Variants in NDRG4 observed in about 807,000 individuals in gnomAD.
NDRG4 encodes the protein NDRG family member 4.
A neutral mutation model predicts 55.8 loss-of-function variants in NDRG4; 38 were observed. The ratio of observed to expected loss-of-function variants is 0.68; its 90% CI spans 0.53 to 0.89. The LOEUF is 0.89. NDRG4 is among the 40% of genes least tolerant of loss of function. The pLI is 0.00. For missense variants in NDRG4, 455 were observed against 468.6 expected (o/e 0.97, Z 0.27); for synonymous variants, 190 against 182.7 (o/e 1.04, Z -0.32).
At chr16:58,494,708 T>C (rs1336253454) in intron 2 of NDRG4, among the ~76,000 whole-genome samples, 1 of 151,966 alleles carries the variant, frequency 6.6e-6, no homozygotes, top group Non-Finnish European at 1.5e-5. Context: ...GTTTCATGCC[T>C]GTAATCCCAG....
At chr16:58,486,313 C>T (rs1398689696) in intron 1 of NDRG4, among the ~76,000 whole-genome samples, 1 of 152,082 alleles carries the variant, frequency 6.6e-6, no homozygotes, top group Non-Finnish European at 1.5e-5. Flanking sequence ...AGGCTCTCAC[C>T]ACCACACCCA....
rs773352480 is a variant in NDRG4, at chr16:58,467,309, C to T, written c.-24+3512C>T. ...GATCACTGAGGTCAGGAGTTCAAGA[C>T]CAGCCTGGCCAACGTGGTGAAACCC... On this transcript the variant is annotated intron_variant, in intron 1 of 15. Coordinates refer to the NDRG4 transcript ENST00000258187. Among the ~76,000 whole-genome samples, 4 of 152,332 alleles carry T rather than the reference C, an allele frequency of 2.6e-5. No homozygotes were observed. The South Asian group carries it at 8.3e-4, about 32-fold the overall frequency.
At chr16:58,507,158 C>T in intron 8 of NDRG4, 143 bp downstream of exon 8, 1 of 670,314 alleles carries the variant, frequency 1.5e-6, no homozygotes, top group Non-Finnish European at 2.7e-6. Flanking sequence ...GAGGTCATTT[C>T]CTGCACAAGG....
intron 1 of NDRG4, among the ~76,000 whole-genome samples, chr16:58,471,741 T>C (rs1408348688): frequency 6.6e-6 from 1 of 152,160 alleles, no homozygotes; most frequent in Non-Finnish European, 1.5e-5. Context: ...CTGCTTCAGT[T>C]CACCTGTTGG....
At chr16:58,478,387 TAA>T (rs771500758) in intron 1 of NDRG4, among the ~76,000 whole-genome samples, 3 of 67,130 alleles carry the variant, frequency 4.5e-5, no homozygotes, top group African/African-American at 6.5e-5. Flanking sequence ...AGACTCCATC[TAA>T]AAAAAAAAAA....
intron 1 of NDRG4, among the ~76,000 whole-genome samples, chr16:58,478,701 T>TTTG (rs545188379): frequency 0.015 from 2,143 of 141,000 alleles, 48 homozygotes; most frequent in African/African-American, 0.052. Flanking sequence ...TTTTTTGTTT[T>TTTG]TTTTTTTTGT....
In NDRG4 at chr16:58,512,917, A is replaced by C. The variant is rs963379673; in HGVS notation, c.*1341A>C. The C allele has an allele frequency of 2.6e-5, 4 of 152,534 alleles. No individual in the cohort carries two copies. The highest frequency in any genetic ancestry group is 4.8e-5 in the African/African-American group (2 of 41,398). The allele number at this position is 152,534 out of a possible 1,614,324, so 9.4% of individuals were successfully genotyped here. On this transcript the variant is annotated 3_prime_UTR_variant, in exon 15 of 15. Transcript: ENST00000570248. ...GGGAAGGGTTGTGGCGGGTGTTCTG[A>C]GGCTGAGAGGACACCTATATGCGTA... is the stretch of plus-strand genomic sequence containing the variant.
chr16:58,503,376 A>T (rs2037415102), intron 1 of NDRG4, among the ~76,000 whole-genome samples: 1 of 152,202 alleles, frequency 6.6e-6, no homozygotes, highest in Non-Finnish European at 1.5e-5. Context: ...GATTCCAGGC[A>T]GGACCACTGA....
At chr16:58,495,697 C>T (rs1020838535), upstream of NDRG4, 2 of 152,694 alleles carry the variant, frequency 1.3e-5, no homozygotes, top group Non-Finnish European at 2.9e-5. Flanking sequence ...TGGCTCGTCC[C>T]CCAGTGGGAG....
Position 58,464,416 on chromosome 16 carries a change from G to A in NDRG4, c.-24+619G>A, listed in dbSNP as rs1395942182. The A allele has an allele frequency of 3.5e-5, 48 of 1,366,286 alleles. No homozygotes were observed. Among genetic ancestry groups the A allele is most frequent in the Non-Finnish European group, 4.2e-5 (45 of 1,062,594 alleles). The allele number at this position is 1,366,286 out of a possible 1,614,324, so 84.6% of individuals were successfully genotyped here. On this transcript the variant is annotated intron_variant, in intron 1 of 15. Coordinates refer to the NDRG4 transcript ENST00000258187. This position sits in a 1 kb window ranked among gnomAD's most constrained non-coding sequence, Gnocchi z 4.8. The stretch of plus-strand genomic sequence containing the variant: ...CGACGCCGCCACCCAGAGCCGGGCC[G>A]CGCCGGGCGCCGAGATGAAGGTGCT...
chr16:58,463,813 C>T (rs2030980193), intron 1 of NDRG4: 1 of 151,930 alleles, frequency 6.6e-6, no homozygotes, highest in East Asian at 2.0e-4. Flanking sequence ...TCGGCGGCGC[C>T]CTCGCCCCTG....
upstream of NDRG4, chr16:58,495,448 C>T (rs1227402031): frequency 6.1e-6 from 1 of 164,028 alleles, no homozygotes; most frequent in Non-Finnish European, 1.3e-5. Context: ...CCATTGATTT[C>T]CGGGTCTGGG....
At chr16:58,488,834 G>A (rs1244312532) in intron 2 of NDRG4, among the ~76,000 whole-genome samples, 2 of 152,076 alleles carry the variant, frequency 1.3e-5, no homozygotes, top group East Asian at 3.9e-4. Flanking sequence ...CTTATCCGAG[G>A]GCAGCCACGG....
In NDRG4 at chr16:58,509,360, C is replaced by T. The variant is rs1452120959; in HGVS notation, c.865+8C>T. The T allele has an allele frequency of 6.2e-7, 1 of 1,613,170 alleles. No homozygotes were observed. Among genetic ancestry groups the T allele is most frequent in the Non-Finnish European group, 8.5e-7 (1 of 1,179,866 alleles). On this transcript the variant is annotated splice_region_variant and intron_variant, in intron 13 of 14. Coordinates refer to ENST00000570248, the MANE Select transcript of NDRG4 (RefSeq NM_001242835.2). ...TGCAAGGCATGGGCTACAGTGAGTA[C>T]ATTTCCACCCCACCCCACACCACCT...
At chr16:58,511,288 C>A in intron 14 of NDRG4, 134 bp from the exon 15 acceptor site, 1 of 1,042,420 alleles carries the variant, frequency 9.6e-7, no homozygotes, top group Non-Finnish European at 1.4e-6. Flanking sequence ...TGTCGCCAGC[C>A]TCCTGACTCA....
chr16:58,503,029 G>GA (rs990301535), intron 1 of NDRG4, among the ~76,000 whole-genome samples: 1 of 152,240 alleles, frequency 6.6e-6, no homozygotes, highest in Non-Finnish European at 1.5e-5. Flanking sequence ...GGTGGTTCTG[G>GA]ATGGAGAGGC....
At chr16:58,514,009 GACAAA>G (rs571913475), downstream of NDRG4, among the ~76,000 whole-genome samples, 121 of 152,164 alleles carry the variant, frequency 8.0e-4, no homozygotes, top group Non-Finnish European at 1.5e-3. Flanking sequence ...ATGCCTTAAA[GACAAA>G]ACAAAACACC....
At chr16:58,510,565 T>C in intron 13 of NDRG4, 80 bp from the exon 14 acceptor site, 1 of 1,246,250 alleles carries the variant, frequency 8.0e-7, no homozygotes, top group Non-Finnish European at 1.1e-6. Flanking sequence ...CTCAATGCCC[T>C]TGACTCAGCG....
chr16:58,504,504 C>T lies in NDRG4; in HGVS notation c.311+83C>T, dbSNP rs1597301523. 4.2e-5 allele frequency: 68 copies of T among 1,611,510 alleles called. No homozygotes were observed. The East Asian group carries it at 1.5e-3, about 36-fold the overall frequency. ...GCCACCTGGCTCCAGCTGAGGGCTT[C>T]AGGCTATGGGCAGGGCCTGCTCTGG... On this transcript the variant is annotated intron_variant, in intron 4 of 14. Coordinates refer to ENST00000570248, the MANE Select transcript of NDRG4 (RefSeq NM_001242835.2).
Sources: allele counts gnomAD v4.1 joint callset (sites outside exome capture counted in the v4.1 genomes callset), GRCh38; gene constraint gnomAD v4.1.1; non-coding constraint Gnocchi (gnomAD v3.1); transcripts MANE v1.5; gene names NCBI Gene and HGNC (gene_info 2026-07-23, HGNC 2026-07-21).